The following ALG1L2 variants were observed in gnomAD, a reference collection of about 807,000 sequenced individuals.
ALG1L2 encodes ALG1 chitobiosyldiphosphodolichol beta-mannosyltransferase like 2.
Under a neutral mutation model 29.0 loss-of-function variants are expected in ALG1L2, and 32 were observed. The ratio of observed to expected loss-of-function variants is 1.10; its 90% CI spans 0.83 to 1.48. ALG1L2 has a LOEUF of 1.48. ALG1L2 is among the 40% of genes most tolerant of loss of function. The probability of loss-of-function intolerance (pLI) is 0.00; values close to 1 mark genes in which losing one functional copy is unlikely to be tolerated. For missense variants in ALG1L2, 318 were observed against 274.1 expected, an observed-to-expected ratio of 1.16 and a Z score of -1.13; for synonymous variants, 110 against 109.5, an observed-to-expected ratio of 1.00 and a Z score of -0.03.
At chr3:130,082,749 G>A (rs1364120065) in intron 1 of ALG1L2, among the ~76,000 whole-genome samples, 1 of 148,534 alleles carries the variant, frequency 6.7e-6, no homozygotes, top group African/African-American at 2.4e-5. Flanking sequence ...ACTCCCCATG[G>A]CGTGTCTGCT....
At chr3:130,096,927 C>T (rs754279291) in intron 6 of ALG1L2, among the ~76,000 whole-genome samples, 7 of 152,190 alleles carry the variant, frequency 4.6e-5, no homozygotes, top group Non-Finnish European at 8.8e-5. Flanking sequence ...GAAGAGCATC[C>T]AGCACAGAAG....
chr3:130,091,996 C>T (rs1935025430), intron 2 of ALG1L2, 105 bp from the exon 3 acceptor site: 3 of 1,556,154 alleles, frequency 1.9e-6, no homozygotes, highest in African/African-American at 2.7e-5. Flanking sequence ...CAGCCGGGCA[C>T]CCCAACCGTT....
chr3:130,091,235 A>G (rs1328885053), intron 1 of ALG1L2, 26 bp from the exon 2 acceptor site: 1 of 1,591,874 alleles, frequency 6.3e-7, no homozygotes, highest in South Asian at 1.1e-5. Context: ...GACTAATGCA[A>G]TAGCCCTGCC....
intron 7 of ALG1L2, among the ~76,000 whole-genome samples, chr3:130,097,625 T>C (rs1935172271): frequency 6.6e-6 from 1 of 152,334 alleles, no homozygotes; most frequent in East Asian, 1.9e-4. Flanking sequence ...ACTTGTTTCT[T>C]ATTGCAAAAA....
At chr3:130,095,280 C>T (rs375592864) in intron 5 of ALG1L2, among the ~76,000 whole-genome samples, 48 of 152,172 alleles carry the variant, frequency 3.2e-4, no homozygotes, top group East Asian at 2.5e-3. Flanking sequence ...ATCCTCTCGC[C>T]TTGGCCTCCC....
intron 1 of ALG1L2, among the ~76,000 whole-genome samples, chr3:130,085,683 T>G (rs1243022379): frequency 6.6e-6 from 1 of 151,702 alleles, no homozygotes; most frequent in Non-Finnish European, 1.5e-5. Context: ...AAGTCTTTTG[T>G]GGGAGAGGGG....
At chr3:130,094,248 T>G (rs1359157733) in intron 4 of ALG1L2, 155 bp from the exon 5 acceptor site, 22 of 895,294 alleles carry the variant, frequency 2.5e-5, no homozygotes, top group Non-Finnish European at 3.7e-5. Flanking sequence ...GCTCCTGAGT[T>G]GCTTCTGGAA....
intron 7 of ALG1L2, 35 bp downstream of exon 7, chr3:130,097,285 G>T (rs758532994): frequency 1.2e-6 from 2 of 1,600,450 alleles, no homozygotes; most frequent in Non-Finnish European, 8.5e-7. Context: ...GGGTGGACAG[G>T]GTTCTGGAGA....
At position 130,093,272 on chromosome 3, in the gene ALG1L2, G is replaced by A. The variant is rs1382770643; in HGVS notation, c.313+112G>A. ...TCTTGTCTCCTTAATCCTCACTGCA[G>A]CTCTCTGCCATAGGGTCTTACACTG... On this transcript the variant is annotated intron_variant, in intron 4 of 7. Coordinates refer to ENST00000425059, the MANE Select transcript of ALG1L2 (RefSeq NM_001136152.1). 6 of 1,309,994 alleles carry A rather than the reference G, an allele frequency of 4.6e-6. No homozygotes were observed. In the African/African-American group the frequency reaches 8.9e-5, roughly 19 times the overall value. The allele number at this position is 1,309,994 out of a possible 1,614,324, so 81.1% of individuals were successfully genotyped here.
At chr3:130,085,778 A>C (rs146226592) in intron 1 of ALG1L2, among the ~76,000 whole-genome samples, 533 of 149,380 alleles carry the variant, frequency 3.6e-3, no homozygotes, top group African/African-American at 0.012. Context: ...GTTTTCTTCA[A>C]AGGTATGAGG....
intron 2 of ALG1L2, chr3:130,091,729 G>A (rs1935018279): frequency 1.7e-6 from 1 of 575,006 alleles, no homozygotes; most frequent in Admixed American, 2.3e-5. Context: ...GTGTCCCCTG[G>A]GGTGTCTCAT....
intron 4 of ALG1L2, among the ~76,000 whole-genome samples, chr3:130,093,400 A>T (rs1200415260): frequency 1.3e-5 from 2 of 150,686 alleles, no homozygotes; most frequent in Non-Finnish European, 2.9e-5. Context: ...AGTAGTTTCC[A>T]AGCATCTTTT....
chr3:130,094,573 T>C (rs1262292600), intron 5 of ALG1L2, 60 bp downstream of exon 5: 2 of 332,042 alleles, frequency 6.0e-6, no homozygotes, highest in South Asian at 2.8e-5. Context: ...GGAACAGGGG[T>C]GGGCGGGGTG....
In ALG1L2 at chr3:130,086,134, C is replaced by A. The variant is rs528999236; in HGVS notation, c.20+4098C>A. ...AACATACGCACAGGAGGCAAACCAA[C>A]TTTTGATCATTTATTAAAACAAATA... On this transcript the variant is annotated intron_variant, in intron 1 of 7. Transcript: ENST00000425059. 8.6e-5 allele frequency among the ~76,000 whole-genome samples: 13 copies of A among 151,514 alleles called. No individual in the cohort carries two copies. The East Asian group carries it at 2.3e-3, about 27-fold the overall frequency.
intron 1 of ALG1L2, among the ~76,000 whole-genome samples, chr3:130,083,289 C>T (rs912338102): frequency 8.2e-5 from 11 of 134,950 alleles, no homozygotes; most frequent in Non-Finnish European, 1.9e-4. Context: ...ATTAAAAATA[C>T]AAAAATTAGG....
intron 1 of ALG1L2, among the ~76,000 whole-genome samples, chr3:130,088,523 T>A (rs148803017): frequency 6.6e-6 from 1 of 152,300 alleles, no homozygotes; most frequent in Non-Finnish European, 1.5e-5. Flanking sequence ...ATTTAAGCAA[T>A]TTTCGTGCCT....
At chr3:130,090,496 T>C (rs1365171122) in intron 1 of ALG1L2, among the ~76,000 whole-genome samples, 1 of 152,308 alleles carries the variant, frequency 6.6e-6, no homozygotes, top group African/African-American at 2.4e-5. Flanking sequence ...ACACTCTTCC[T>C]TCAGGTTCAC....
chr3:130,088,880 C>T (rs1311186062), intron 1 of ALG1L2, among the ~76,000 whole-genome samples: 2 of 152,300 alleles, frequency 1.3e-5, no homozygotes, highest in African/African-American at 4.8e-5. Context: ...TTATAAATTA[C>T]CCAGTCTCAG....
rs181212361 is a variant in ALG1L2, at chr3:130,095,963, C to T, written c.425-86C>T. Reference sequence around the variant, plus strand: ...GGCCTTATCCAATTTTCACTCCCCTCGGGGGGTGTTGCCTCACTGTGCTGG... The same window carrying T: ...GGCCTTATCCAATTTTCACTCCCCTTGGGGGGTGTTGCCTCACTGTGCTGG... On this transcript the variant is annotated intron_variant, in intron 5 of 7. Transcript: ENST00000425059. The T allele has an allele frequency of 1.8e-3, 2,589 of 1,422,930 alleles. 39 individuals are homozygous for T. The African/African-American group carries it at 0.028, about 15-fold the overall frequency. The allele number at this position is 1,422,930 out of a possible 1,614,324, so 88.1% of individuals were successfully genotyped here.
Sources: gnomAD v4.1 joint callset for allele counts (sites outside exome capture counted in the v4.1 genomes callset) on GRCh38, gnomAD v4.1.1 for gene constraint, MANE v1.5 for transcripts, NCBI Gene and HGNC (gene_info 2026-07-23, HGNC 2026-07-21) for gene names.